PEX11G: variants seen among roughly 807,000 people sequenced by gnomAD.
PEX11G encodes peroxisomal biogenesis factor 11 gamma.
In PEX11G, 20 loss-of-function variants were observed where a neutral mutation model predicts 22.5. The ratio of observed to expected loss-of-function variants is 0.89; its 90% CI spans 0.62 to 1.29. The LOEUF is 1.29. Ranked by LOEUF, PEX11G falls within the 50% of genes most tolerant of loss-of-function variation. The pLI, the probability that PEX11G is intolerant of heterozygous loss-of-function variation, is 0.00. For synonymous variants in PEX11G, 141 were observed against 154.5 expected (o/e 0.91, Z 0.65); for missense variants, 347 against 331.3 (o/e 1.05, Z -0.37).
At chr19:7,494,853 G>A (rs1204718411) in intron 1 of PEX11G, among the ~76,000 whole-genome samples, 1 of 152,180 alleles carries the variant, frequency 6.6e-6, no homozygotes, top group Non-Finnish European at 1.5e-5. Flanking sequence ...TCTGAACACA[G>A]GCAAAACACG....
At chr19:7,489,459 A>G, upstream of PEX11G, 4 of 991,974 alleles carry the variant, frequency 4.0e-6, no homozygotes, top group Non-Finnish European at 4.8e-6. Context: ...ATATCACAAC[A>G]AGGCATCTTT....
Position 7,477,287 on chromosome 19 carries a change from A to C in PEX11G, c.641T>G (p.Val214Gly), listed in dbSNP as rs1977260840. Reference sequence around the variant, plus strand: ...TGAGGAGATGGTGCCCATGAGGCCCACTAGCCACGGCGGGAAGCGGCCGGC... The same window carrying C: ...TGAGGAGATGGTGCCCATGAGGCCCCCTAGCCACGGCGGGAAGCGGCCGGC... ...LWAGRFPPWL[V>G]GLMGTISSIL... Residue 214 changes from valine to glycine, a missense_variant, in exon 5 of 5, where the codon GTG becomes GGG. Physicochemically the swap from Val to Gly is moderately radical, Grantham distance 109. Transcript: ENST00000221480. 6.3e-7 allele frequency: 1 copy of C among 1,583,724 alleles called. No homozygotes were observed. The highest frequency in any genetic ancestry group is 8.6e-7 in the Non-Finnish European group (1 of 1,166,794).
In PEX11G at chr19:7,482,200, G is replaced by GGC; in HGVS notation, c.259_260dup (p.Phe88ProfsTer9). The stretch of plus-strand genomic sequence containing the variant: ...CTAGGACGGAGACACAGCGGACAAA[G>GGC]GCGTCCTCCTCCTGCAGGACCAGGA... On this transcript the variant is annotated frameshift_variant, in exon 3 of 5. Transcript: ENST00000221480. LOFTEE classifies it high-confidence loss of function. The GGC allele has an allele frequency of 6.4e-7, 1 of 1,567,692 alleles. No homozygotes were observed. Among genetic ancestry groups the GGC allele is most frequent in the Non-Finnish European group, 8.6e-7 (1 of 1,157,576 alleles).
rs749728524 is a variant in PEX11G, at chr19:7,485,940, C to T, written c.147G>A (p.Leu49=). The T allele has an allele frequency of 1.2e-6, 2 of 1,613,380 alleles. No homozygotes were observed. Among genetic ancestry groups the T allele is most frequent in the Admixed American group, 3.3e-5 (2 of 60,000 alleles). ...CPARSEVGTR[L]LVVSTQLSHC... Reference sequence around the variant, plus strand: ...GGCTGAGTTGGGTGGACACCACCAACAGACGTGTCCCCACTTCGGACCTGG... The same window carrying T: ...GGCTGAGTTGGGTGGACACCACCAATAGACGTGTCCCCACTTCGGACCTGG... The change falls in exon 2 of 5, where the codon CTG becomes CTA. Residue 49 remains leucine, a synonymous_variant. Transcript: ENST00000221480.
chr19:7,490,683 C>T (rs1440070653), upstream of PEX11G, among the ~76,000 whole-genome samples: 2 of 132,090 alleles, frequency 1.5e-5, no homozygotes, highest in African/African-American at 5.8e-5. Context: ...GAGACAGGGC[C>T]TCGCTCTGGG....
intron 3 of PEX11G, among the ~76,000 whole-genome samples, chr19:7,479,001 T>C (rs1199461860): frequency 6.6e-6 from 1 of 152,152 alleles, no homozygotes; most frequent in Non-Finnish European, 1.5e-5. Context: ...GCACCTGCAC[T>C]CTCCAGCCTC....
chr19:7,489,051 C>G, upstream of PEX11G: 1 of 1,482,608 alleles, frequency 6.7e-7, no homozygotes, highest in Non-Finnish European at 8.9e-7. Flanking sequence ...CGCGCCGCGC[C>G]AGGGGGCGGG....
intron 1 of PEX11G, among the ~76,000 whole-genome samples, chr19:7,488,487 G>T (rs1317297754): frequency 6.6e-6 from 1 of 152,200 alleles, no homozygotes; most frequent in Non-Finnish European, 1.5e-5. Flanking sequence ...GACAGGTTGG[G>T]TTGGCAGAAA....
chr19:7,482,327 T>A, intron 2 of PEX11G, 116 bp from the exon 3 acceptor site: 3 of 1,236,696 alleles, frequency 2.4e-6, no homozygotes, highest in Non-Finnish European at 3.3e-6. Context: ...CTGGGCCGTG[T>A]CCAGGCCTGG....
intron 1 of PEX11G, among the ~76,000 whole-genome samples, chr19:7,487,874 C>A (rs561380502): frequency 7.2e-4 from 109 of 152,302 alleles, no homozygotes; most frequent in South Asian, 6.0e-3. Context: ...ACCCACCCCC[C>A]CAATCATAAG....
At chr19:7,489,112 C>T (rs978284319), upstream of PEX11G, 12 of 1,328,350 alleles carry the variant, frequency 9.0e-6, no homozygotes, top group Non-Finnish European at 1.2e-5. Context: ...CAGGCGCGGC[C>T]GCAGGCCTTT....
intron 1 of PEX11G, among the ~76,000 whole-genome samples, chr19:7,488,394 C>T (rs2021757967): frequency 1.3e-5 from 2 of 152,206 alleles, no homozygotes; most frequent in South Asian, 2.1e-4. Context: ...AATCCCAACA[C>T]GAGATTGTTC....
At chr19:7,477,570 GC>G in intron 4 of PEX11G, 134 bp from the exon 5 acceptor site, 1 of 710,014 alleles carries the variant, frequency 1.4e-6, no homozygotes, top group Non-Finnish European at 2.1e-6. Flanking sequence ...GACTGAGGTG[GC>G]CTCCCTGACC....
chr19:7,486,106 C>A, intron 1 of PEX11G, 80 bp from the exon 2 acceptor site: 10 of 1,276,776 alleles, frequency 7.8e-6, no homozygotes, highest in Non-Finnish European at 1.1e-5. Context: ...TGGCCCCGGG[C>A]CCCGCTGGAT....
At chr19:7,478,281 G>C in intron 4 of PEX11G, 33 bp downstream of exon 4, 1 of 1,601,196 alleles carries the variant, frequency 6.2e-7, no homozygotes, top group South Asian at 1.1e-5. Flanking sequence ...TGGAGGGAGT[G>C]GGCCTCCCTG....
At chr19:7,481,926 G>C (rs1977503782) in intron 3 of PEX11G, 107 bp downstream of exon 3, 5 of 1,151,966 alleles carry the variant, frequency 4.3e-6, no homozygotes, top group Non-Finnish European at 5.9e-6. Context: ...AAGAGGCAAA[G>C]ACCCACCGCA....
upstream of PEX11G, chr19:7,489,424 G>T: frequency 9.9e-7 from 1 of 1,008,488 alleles, no homozygotes; most frequent in Non-Finnish European, 1.2e-6. Context: ...CTGCCTGCCC[G>T]TAGTGAGCAG....
At chr19:7,483,837 C>T (rs1307637022) in intron 2 of PEX11G, among the ~76,000 whole-genome samples, 1 of 152,106 alleles carries the variant, frequency 6.6e-6, no homozygotes, top group Non-Finnish European at 1.5e-5. Context: ...GGCTGGCCCA[C>T]GCAGCCTCTG....
chr19:7,479,933 T>C (rs552073159), intron 3 of PEX11G, among the ~76,000 whole-genome samples: 4 of 152,146 alleles, frequency 2.6e-5, no homozygotes, highest in East Asian at 1.9e-4. Context: ...CTGAACGTTA[T>C]GCTCAATTTT....
Sources: gnomAD v4.1 joint callset for allele counts (sites outside exome capture counted in the v4.1 genomes callset) on GRCh38, gnomAD v4.1.1 for gene constraint, MANE v1.5 for transcripts, NCBI Gene and HGNC (gene_info 2026-07-23, HGNC 2026-07-21) for gene names.